Variants in NLRP5 observed in about 807,000 individuals in gnomAD.
NLRP5 encodes NLR family pyrin domain containing 5.
In NLRP5, 93 loss-of-function variants were observed where a neutral mutation model predicts 113.1. The observed-to-expected ratio is 0.82, with a 90% confidence interval of 0.70 to 0.98. The LOEUF (loss-of-function observed/expected upper bound fraction) is 0.98, where lower values mean the gene tolerates loss of function less well. NLRP5 is among the 50% of genes least tolerant of loss of function. The probability of loss-of-function intolerance (pLI) is 0.00; values close to 1 mark genes in which losing one functional copy is unlikely to be tolerated. For missense variants in NLRP5, 1,808 were observed against 1,514.3 expected (o/e 1.19, Z -3.22); for synonymous variants, 751 against 600.7 (o/e 1.25, Z -3.66).
chr19:56,025,500 C>T (rs1038228140), intron 6 of NLRP5, among the ~76,000 whole-genome samples: 14 of 152,108 alleles, frequency 9.2e-5, no homozygotes, highest in Non-Finnish European at 1.3e-4. Context: ...CCACCTTCTG[C>T]GTTCATGACT....
At position 56,020,411 on chromosome 19, in the gene NLRP5, C is replaced by G; in HGVS notation, c.659C>G (p.Ala220Gly). ...GCTATGGAACAAGAAGGTGCCACAG[C>G]AGCAGAGACAGAAGAACAAGGTGAG... The change falls in exon 6 of 15, where the codon GCA (alanine) becomes GGA (glycine). Residue 220 changes from alanine (A) to glycine (G), a missense_variant. Ala to Gly is a moderately conservative substitution (Grantham distance 60). Coordinates refer to ENST00000390649, the MANE Select transcript of NLRP5 (RefSeq NM_153447.4). The G allele has an allele frequency of 3.7e-6, 6 of 1,613,478 alleles. No homozygotes were observed. The highest frequency in any genetic ancestry group is 5.1e-6 in the Non-Finnish European group (6 of 1,179,768).
At chr19:55,998,670 G>GTC (rs1386075393), upstream of NLRP5, among the ~76,000 whole-genome samples, 518 of 66,716 alleles carry the variant, frequency 7.8e-3, 11 homozygotes, top group African/African-American at 9.3e-3. Flanking sequence ...GTGTGTGTGT[G>GTC]TGTATATATA....
At position 56,058,295 on chromosome 19, in the gene NLRP5, T is replaced by C. The variant is rs1984231771; in HGVS notation, c.3355T>C (p.Ser1119Pro). Residue 1119 changes from serine (S) to proline (P), a missense_variant, in exon 14 of 15, where the codon TCC becomes CCC. Physicochemically the swap from Ser to Pro is moderately conservative, Grantham distance 74. Coordinates refer to ENST00000390649, the MANE Select transcript of NLRP5 (RefSeq NM_153447.4). ...CTGTGAGGCACTCTCCTTGGCCCTTTCCTGCAACCGGCATCTGACCAGTCT... is the reference window on the plus strand; with the variant it reads ...CTGTGAGGCACTCTCCTTGGCCCTTCCCTGCAACCGGCATCTGACCAGTCT... 3.7e-6 allele frequency: 6 copies of C among 1,613,990 alleles called. No homozygotes were observed. Among genetic ancestry groups the C allele is most frequent in the Non-Finnish European group, 5.1e-6 (6 of 1,179,874 alleles).
At chr19:55,998,690 A>ATGTGTGTGTGTGTGTG (rs760041369), upstream of NLRP5, among the ~76,000 whole-genome samples, 316 of 56,136 alleles carry the variant, frequency 5.6e-3, 20 homozygotes, top group African/African-American at 0.034. Flanking sequence ...ATATATATAT[A>ATGTGTGTGTGTGTGTG]TATATATATA....
intron 2 of NLRP5, 44 bp from the exon 3 acceptor site, chr19:56,008,744 A>C (rs1392727543): frequency 6.5e-7 from 1 of 1,535,314 alleles, no homozygotes; most frequent in South Asian, 1.2e-5. Context: ...GGGTAATTAC[A>C]GTGACTTCAT....
At chr19:56,021,903 C>T (rs1982630406) in intron 6 of NLRP5, among the ~76,000 whole-genome samples, 2 of 152,226 alleles carry the variant, frequency 1.3e-5, no homozygotes, top group East Asian at 3.9e-4. Flanking sequence ...TTGCTCTCAC[C>T]TTTCTTCTGG....
At chr19:56,044,560 G>T (rs1234836155) in intron 11 of NLRP5, among the ~76,000 whole-genome samples, 2 of 152,120 alleles carry the variant, frequency 1.3e-5, no homozygotes, top group Non-Finnish European at 2.9e-5. Flanking sequence ...TCTCTATTCT[G>T]TTTCGTTGGT....
upstream of NLRP5, among the ~76,000 whole-genome samples, chr19:55,999,214 T>TTTTC (rs1555762560): frequency 2.3e-4 from 33 of 142,858 alleles, no homozygotes; most frequent in African/African-American, 8.5e-4. Flanking sequence ...TTCTTTTTCT[T>TTTTC]TTTTTTTTTT....
At chr19:56,040,010 G>A (rs1333012605) in intron 10 of NLRP5, among the ~76,000 whole-genome samples, 3 of 152,124 alleles carry the variant, frequency 2.0e-5, no homozygotes, top group Non-Finnish European at 4.4e-5. Context: ...GAGTACAGTG[G>A]CACAATCACA....
Position 56,028,130 on chromosome 19 carries a change from A to T in NLRP5, c.1897A>T (p.Met633Leu). Residue 633 changes from methionine (M) to leucine (L), a missense_variant, in exon 7 of 15, where the codon ATG becomes TTG. By Grantham distance (15) the Met-to-Leu change is conservative. Coordinates refer to ENST00000390649, the MANE Select transcript of NLRP5 (RefSeq NM_153447.4). ...AGGCTTCCATATCCACTCGCTTTGG[A>T]TGAAGCGTTTCTTGTTTGGCCTCGT... The T allele has an allele frequency of 6.2e-7, 1 of 1,614,012 alleles. No homozygotes were observed. Among genetic ancestry groups the T allele is most frequent in the Non-Finnish European group, 8.5e-7 (1 of 1,179,898 alleles).
At chr19:56,039,265 G>A (rs1599901716) in intron 10 of NLRP5, among the ~76,000 whole-genome samples, 1 of 152,190 alleles carries the variant, frequency 6.6e-6, no homozygotes, top group South Asian at 2.1e-4. Context: ...ACCCAGCGTG[G>A]CAGCCATTAT....
chr19:56,036,547 C>T (rs1458591178), intron 9 of NLRP5, among the ~76,000 whole-genome samples: 1 of 152,228 alleles, frequency 6.6e-6, no homozygotes. Flanking sequence ...GAGATTCCTG[C>T]TCTCATGGTG....
intron 6 of NLRP5, among the ~76,000 whole-genome samples, chr19:56,021,642 C>G (rs573305481): frequency 3.3e-5 from 5 of 152,330 alleles, no homozygotes; most frequent in African/African-American, 1.2e-4. Flanking sequence ...GTTCCAGTGT[C>G]TATCAGCACT....
chr19:55,997,416 T>C (rs1480338879), upstream of NLRP5, among the ~76,000 whole-genome samples: 5 of 152,202 alleles, frequency 3.3e-5, no homozygotes, highest in South Asian at 6.2e-4. Flanking sequence ...TGTAGTTTTC[T>C]TTTTTGTGTG....
In NLRP5 at chr19:56,028,448, G is replaced by A. The variant is rs1173279360; in HGVS notation, c.2215G>A (p.Asp739Asn). 8 of 1,613,788 alleles carry A rather than the reference G, an allele frequency of 5.0e-6. No homozygotes were observed. The South Asian group carries it at 5.5e-5, about 11-fold the overall frequency. Residue 739 changes from aspartate to asparagine, a missense_variant, in exon 7 of 15, where the codon GAT (aspartate) becomes AAT (asparagine). Asp to Asn is a conservative substitution (Grantham distance 23). Coordinates refer to ENST00000390649, the MANE Select transcript of NLRP5 (RefSeq NM_153447.4). ...TCCGTATTTGCGGAAAATTCGGGTG[G>A]ATGTCAAAGGGATCTTCCCAAGAGA...
At position 56,019,330 on chromosome 19, in the gene NLRP5, C is replaced by A. The variant is rs907438040; in HGVS notation, c.566-12C>A. On this transcript the variant is annotated splice_polypyrimidine_tract_variant and intron_variant, in intron 4 of 14. Transcript: ENST00000390649. ...AAACACAAGTATGTTGGAATTCATT[C>A]TTCTTTTGCAGAAATTTCACAAGCT... 6.2e-7 allele frequency: 1 copy of A among 1,613,702 alleles called. No homozygotes were observed. The highest frequency in any genetic ancestry group is 8.5e-7 in the Non-Finnish European group (1 of 1,179,758).
intron 4 of NLRP5, 77 bp downstream of exon 4, chr19:56,015,875 A>T (rs1982385014): frequency 9.0e-7 from 1 of 1,109,014 alleles, no homozygotes; most frequent in Non-Finnish European, 1.3e-6. Flanking sequence ...AGTTCAAAGG[A>T]CGGGGAAATC....
chr19:56,040,824 A>G (rs57186151), intron 10 of NLRP5, 98 bp from the exon 11 acceptor site: 47,110 of 1,007,910 alleles, frequency 0.047, 1,720 homozygotes, highest in East Asian at 0.19. Context: ...CATGCCAACT[A>G]TGGGGGTGAT....
intron 3 of NLRP5, among the ~76,000 whole-genome samples, chr19:56,009,339 CA>C (rs71296979): frequency 0.046 from 2,015 of 44,258 alleles, 69 homozygotes; most frequent in African/African-American, 0.16. Flanking sequence ...GACTCCATCT[CA>C]AAAAAAAAAA....
Sources: allele counts gnomAD v4.1 joint callset (sites outside exome capture counted in the v4.1 genomes callset), GRCh38; gene constraint gnomAD v4.1.1; transcripts MANE v1.5; gene names NCBI Gene and HGNC (gene_info 2026-07-23, HGNC 2026-07-21).